Variants in SV2C observed in about 807,000 individuals in gnomAD.
SV2C encodes the protein solute carrier family 22 member B3.
Under a neutral mutation model 79.7 loss-of-function variants are expected in SV2C, and 49 were observed. The observed-to-expected ratio is 0.61, with a 90% confidence interval of 0.49 to 0.78. SV2C has a LOEUF of 0.78. Among genes scored for constraint, SV2C ranks in the 30% least tolerant of loss-of-function variants. The pLI is 0.00. For synonymous variants in SV2C, 334 were observed against 333.2 expected (o/e 1.00, Z -0.03); for missense variants, 833 against 912.9 (o/e 0.91, Z 1.13).
intron 4 of SV2C, among the ~76,000 whole-genome samples, chr5:76,279,200 G>C (rs751290681): frequency 7.9e-5 from 12 of 152,136 alleles, no homozygotes; most frequent in Non-Finnish European, 1.5e-4. Flanking sequence ...TTTTAGACAT[G>C]GTAACTTTGA....
At chr5:75,941,100 G>A in the SV2C span, among the ~76,000 whole-genome samples, 1 of 152,142 alleles carries the variant, frequency 6.6e-6, no homozygotes, top group South Asian at 2.1e-4. Flanking sequence ...TGATCATTCT[G>A]TAAGTGATGT....
intron 4 of SV2C, among the ~76,000 whole-genome samples, chr5:76,262,759 C>T (rs1022537919): frequency 6.6e-6 from 1 of 152,164 alleles, no homozygotes; most frequent in African/African-American, 2.4e-5. Context: ...GTTTCTTAAT[C>T]CTGAGTTCTA....
intron 2 of SV2C, among the ~76,000 whole-genome samples, chr5:76,179,615 C>T (rs1034864319): frequency 6.6e-6 from 1 of 152,200 alleles, no homozygotes; most frequent in African/African-American, 2.4e-5. Flanking sequence ...GTGCTTCTGA[C>T]AGTTTGGGAT....
chr5:75,963,197 T>G, the SV2C span, among the ~76,000 whole-genome samples: 2 of 152,136 alleles, frequency 1.3e-5, no homozygotes, highest in Admixed American at 6.6e-5. Context: ...CTGATCACCT[T>G]TGAAAAATTG....
intron 4 of SV2C, among the ~76,000 whole-genome samples, chr5:76,229,742 C>G (rs1745356687): frequency 2.0e-5 from 3 of 152,232 alleles, no homozygotes; most frequent in Non-Finnish European, 4.4e-5. Context: ...AGCCCTCCCT[C>G]TTTCTCAAAG....
chr5:75,977,000 A>G, the SV2C span, among the ~76,000 whole-genome samples: 182 of 152,374 alleles, frequency 1.2e-3, 1 homozygote, highest in Non-Finnish European at 2.4e-4. Flanking sequence ...AGACAGTGCA[A>G]TACAAATGAA....
chr5:76,295,902 G>GA lies in SV2C; in HGVS notation c.1466dup (p.Asn489LysfsTer30). ...AAATTTCACTATTAACTTTACAATG[G>GA]AAAATCAGATTCATACTGGAATGGA... On this transcript the variant is annotated frameshift_variant, in exon 9 of 13. Coordinates refer to ENST00000502798, the MANE Select transcript of SV2C (RefSeq NM_014979.4). LOFTEE classifies it high-confidence loss of function. 6.2e-7 allele frequency: 1 copy of GA among 1,611,866 alleles called. No individual in the cohort carries two copies. The highest frequency in any genetic ancestry group is 8.5e-7 in the Non-Finnish European group (1 of 1,179,132).
chr5:75,915,423 C>G, the SV2C span, among the ~76,000 whole-genome samples: 1 of 152,150 alleles, frequency 6.6e-6, no homozygotes, highest in Non-Finnish European at 1.5e-5. Context: ...TTAGTAATTC[C>G]TTTTAAAGTT....
chr5:76,187,750 C>CAA (rs5868811), intron 2 of SV2C, among the ~76,000 whole-genome samples: 1 of 144,432 alleles, frequency 6.9e-6, no homozygotes, highest in Non-Finnish European at 1.5e-5. Context: ...TTTCAAATTG[C>CAA]AAAAAAAAAA....
At chr5:76,278,461 T>C (rs1747087686) in intron 4 of SV2C, among the ~76,000 whole-genome samples, 1 of 152,158 alleles carries the variant, frequency 6.6e-6, no homozygotes, top group Non-Finnish European at 1.5e-5. Flanking sequence ...ATGCAAATAC[T>C]CAAGTAGAGC....
chr5:76,014,880 A>G, the SV2C span, among the ~76,000 whole-genome samples: 1 of 152,222 alleles, frequency 6.6e-6, no homozygotes, highest in Non-Finnish European at 1.5e-5. Flanking sequence ...GCCTACATAA[A>G]GTAACAGAGA....
chr5:75,882,188 G>A, the SV2C span, among the ~76,000 whole-genome samples: 6 of 150,908 alleles, frequency 4.0e-5, no homozygotes, highest in African/African-American at 4.9e-5. Context: ...TGTGCTGCTG[G>A]ATTTGGTTTG....
At chr5:76,246,842 G>A (rs1478620573) in intron 4 of SV2C, among the ~76,000 whole-genome samples, 1 of 152,012 alleles carries the variant, frequency 6.6e-6, no homozygotes, top group East Asian at 1.9e-4. Context: ...ATACATGCTT[G>A]CTTTTTCCAC....
chr5:76,092,847 T>A (rs1747425480), intron 1 of SV2C, among the ~76,000 whole-genome samples: 1 of 152,130 alleles, frequency 6.6e-6, no homozygotes, highest in Non-Finnish European at 1.5e-5. Flanking sequence ...AGGTCCCTTT[T>A]CATGACACTC....
At chr5:75,886,876 C>T in the SV2C span, among the ~76,000 whole-genome samples, 7 of 152,022 alleles carry the variant, frequency 4.6e-5, no homozygotes, top group African/African-American at 1.7e-4. Flanking sequence ...GGATGACTAA[C>T]CAGGCAAGTT....
chr5:76,228,997 G>A (rs1745334300), intron 4 of SV2C, among the ~76,000 whole-genome samples: 1 of 152,198 alleles, frequency 6.6e-6, no homozygotes, highest in African/African-American at 2.4e-5. Flanking sequence ...TGTGGCCCAT[G>A]CCCAGCTTTC....
chr5:76,066,161 C>A, the SV2C span, among the ~76,000 whole-genome samples: 1 of 151,782 alleles, frequency 6.6e-6, no homozygotes, highest in African/African-American at 2.4e-5. Flanking sequence ...ATGTTTATTG[C>A]GGCACTATTC....
chr5:76,075,885 A>G, the SV2C span: 1 of 222,440 alleles, frequency 4.5e-6, no homozygotes, highest in East Asian at 1.1e-4. Flanking sequence ...ACTCCTCCAA[A>G]CCAGGCACCA....
intron 6 of SV2C, among the ~76,000 whole-genome samples, chr5:76,287,493 A>T (rs575139870): frequency 6.6e-6 from 1 of 152,286 alleles, no homozygotes; most frequent in South Asian, 2.1e-4. Context: ...TGCTCTCAGG[A>T]TAAAGACAGA....
Sources: allele counts gnomAD v4.1 joint callset (sites outside exome capture counted in the v4.1 genomes callset), GRCh38; gene constraint gnomAD v4.1.1; transcripts MANE v1.5; gene names NCBI Gene and HGNC (gene_info 2026-07-23, HGNC 2026-07-21).